Variants in ATP2B2 observed in about 807,000 individuals in gnomAD.
ATP2B2 encodes the protein plasma membrane calcium-transporting ATPase 2.
A neutral mutation model predicts 120.0 loss-of-function variants in ATP2B2; 15 were observed. The observed-to-expected ratio is 0.12, with a 90% confidence interval of 0.08 to 0.19. ATP2B2 has a LOEUF of 0.19. Ranked by LOEUF, ATP2B2 falls within the 10% of genes least tolerant of loss-of-function variation. The pLI is 1.00. For synonymous variants in ATP2B2, 694 were observed against 700.3 expected (o/e 0.99, Z 0.14); for missense variants, 1,045 against 1,719.8 (o/e 0.61, Z 6.94).
intron 1 of ATP2B2, among the ~76,000 whole-genome samples, chr3:10,470,249 C>T (rs1262462256): frequency 6.6e-6 from 1 of 152,202 alleles, no homozygotes; most frequent in African/African-American, 2.4e-5. Flanking sequence ...TATGCACCTT[C>T]TGCCACTGTT....
At chr3:10,348,275 C>A (rs1033570009) in intron 16 of ATP2B2, among the ~76,000 whole-genome samples, 5 of 152,228 alleles carry the variant, frequency 3.3e-5, no homozygotes, top group African/African-American at 1.2e-4. Flanking sequence ...CTCAGACCCG[C>A]ACCTGGCAGC....
chr3:10,360,380 T>C (rs2060863770), intron 12 of ATP2B2, among the ~76,000 whole-genome samples: 1 of 152,370 alleles, frequency 6.6e-6, no homozygotes, highest in Admixed American at 6.5e-5. Context: ...AAAAAGAGAA[T>C]GATGTAACAA....
chr3:10,389,073 G>C (rs914576561), intron 5 of ATP2B2, among the ~76,000 whole-genome samples: 5 of 152,304 alleles, frequency 3.3e-5, no homozygotes, highest in African/African-American at 1.2e-4. Flanking sequence ...GACTACTCCA[G>C]GGGTCTATGC....
At position 10,371,867 on chromosome 3, in the gene ATP2B2, G is replaced by A; in HGVS notation, c.1601C>T (p.Thr534Ile). 1 of 1,614,168 alleles carries A rather than the reference G, an allele frequency of 6.2e-7. No homozygotes were observed. Among genetic ancestry groups the A allele is most frequent in the Non-Finnish European group, 8.5e-7 (1 of 1,180,034 alleles). The change falls in exon 12 of 23, where the codon ACC (threonine) becomes ATC (isoleucine). Residue 534 changes from threonine (T) to isoleucine (I), a missense_variant. Coordinates refer to ENST00000360273, the MANE Select transcript of ATP2B2 (RefSeq NM_001001331.4). ...IPDPSSINTK[T>I]MELLINAIAI... is the part of the protein sequence containing the mutation. ...GATGGCATTGATCAGCAGCTCCATG[G>A]TCTTGGTGTTGATGGAGCTGGGGTC...
intron 1 of ATP2B2, among the ~76,000 whole-genome samples, chr3:10,461,506 TAA>T (rs2064488786): frequency 6.6e-6 from 1 of 152,198 alleles, no homozygotes; most frequent in South Asian, 2.1e-4. Flanking sequence ...CCTCTCCTGA[TAA>T]AGTCTTCTCT....
At chr3:10,510,401 G>A (rs1334490298), upstream of ATP2B2, among the ~76,000 whole-genome samples, 2 of 152,252 alleles carry the variant, frequency 1.3e-5, no homozygotes, top group Non-Finnish European at 2.9e-5. Context: ...GTGAGTAGGG[G>A]AATTGGAGCT....
At chr3:10,579,703 G>A (rs1385111657) in intron 2 of ATP2B2, among the ~76,000 whole-genome samples, 4 of 152,178 alleles carry the variant, frequency 2.6e-5, no homozygotes, top group Non-Finnish European at 5.9e-5. Context: ...CCAGTTACTT[G>A]GGAGGCTGAG....
At chr3:10,456,645 C>A (rs912473424) in intron 1 of ATP2B2, among the ~76,000 whole-genome samples, 4 of 152,242 alleles carry the variant, frequency 2.6e-5, no homozygotes, top group Non-Finnish European at 5.9e-5. Flanking sequence ...CCCATAGTGC[C>A]ATATTTCAAA....
At position 10,338,282 on chromosome 3, in the gene ATP2B2, G is replaced by A. The variant is rs778096122; in HGVS notation, c.3314C>T (p.Pro1105Leu). ...AGRLTQKEEI[P>L]EEELNEDVEE... Reference sequence around the variant, plus strand: ...CACGTCCTCGTTGAGCTCCTCCTCCGGGATCTCCTCCTTCTGTGTGAGCCT... The same window carrying A: ...CACGTCCTCGTTGAGCTCCTCCTCCAGGATCTCCTCCTTCTGTGTGAGCCT... Residue 1105 changes from proline to leucine, a missense_variant, in exon 22 of 23, where the codon CCG becomes CTG. This residue lies in a region of ATP2B2 where 211 missense variants were observed against 385.1 expected (regional missense o/e 0.55). Coordinates refer to ENST00000360273, the MANE Select transcript of ATP2B2 (RefSeq NM_001001331.4). 9 of 1,614,124 alleles carry A rather than the reference G, an allele frequency of 5.6e-6. No individual in the cohort carries two copies. The highest frequency in any genetic ancestry group is 4.5e-5 in the East Asian group (2 of 44,862).
At chr3:10,671,412 C>A (rs956287192) in intron 1 of ATP2B2, among the ~76,000 whole-genome samples, 1 of 152,128 alleles carries the variant, frequency 6.6e-6, no homozygotes, top group Non-Finnish European at 1.5e-5. Flanking sequence ...AGATCATGTG[C>A]GGCCCTTGTC....
chr3:10,576,385 T>C (rs927001147), intron 2 of ATP2B2, among the ~76,000 whole-genome samples: 1 of 152,116 alleles, frequency 6.6e-6, no homozygotes, highest in South Asian at 2.1e-4. Context: ...TTCTTATTAT[T>C]ATTGTTATTT....
chr3:10,691,126 CT>C (rs1221039120), intron 1 of ATP2B2, among the ~76,000 whole-genome samples: 5 of 152,226 alleles, frequency 3.3e-5, no homozygotes, highest in Non-Finnish European at 5.9e-5. Flanking sequence ...CAGCACAAGC[CT>C]TGCAGGGAAA....
intron 5 of ATP2B2, among the ~76,000 whole-genome samples, chr3:10,395,082 C>A (rs773134561): frequency 5.3e-5 from 8 of 152,160 alleles, no homozygotes; most frequent in Middle Eastern, 3.2e-3. Context: ...TGGGATAGGA[C>A]CAGGGTCCTC....
chr3:10,385,878 G>A (rs1575083607), intron 7 of ATP2B2, among the ~76,000 whole-genome samples: 1 of 152,196 alleles, frequency 6.6e-6, no homozygotes, highest in South Asian at 2.1e-4. Flanking sequence ...TCCTTAACTG[G>A]CATTCCAGAG....
intron 1 of ATP2B2, among the ~76,000 whole-genome samples, chr3:10,686,071 C>T (rs1292841577): frequency 1.9e-5 from 2 of 103,734 alleles, no homozygotes; most frequent in Non-Finnish European, 1.8e-5. Flanking sequence ...TTTTTTGAGA[C>T]GGTCCTCCTT....
chr3:10,409,234 T>C (rs1260787604), intron 3 of ATP2B2, among the ~76,000 whole-genome samples: 10 of 152,254 alleles, frequency 6.6e-5, no homozygotes, highest in African/African-American at 2.4e-4. Flanking sequence ...TGTGCATTTC[T>C]TATAATGTCC....
chr3:10,658,586 G>A (rs2070698310), intron 1 of ATP2B2, among the ~76,000 whole-genome samples: 3 of 152,116 alleles, frequency 2.0e-5, no homozygotes, highest in Admixed American at 1.3e-4. Flanking sequence ...AAGAAATATG[G>A]GACTATGTGA....
chr3:10,356,898 G>A (rs2060748575), intron 14 of ATP2B2, among the ~76,000 whole-genome samples: 1 of 151,990 alleles, frequency 6.6e-6, no homozygotes, highest in Non-Finnish European at 1.5e-5. Flanking sequence ...AATTGTCTTT[G>A]CTGTTTTAGG....
chr3:10,636,520 G>A (rs923524214), intron 1 of ATP2B2, among the ~76,000 whole-genome samples: 1 of 152,132 alleles, frequency 6.6e-6, no homozygotes, highest in Non-Finnish European at 1.5e-5. Context: ...AACTGCTTGG[G>A]AAACTTCTGT....
Sources: gnomAD v4.1 joint callset for allele counts (sites outside exome capture counted in the v4.1 genomes callset) on GRCh38, gnomAD v4.1.1 for gene constraint, gnomAD v4.1.1 regional missense constraint, MANE v1.5 for transcripts, NCBI Gene and HGNC (gene_info 2026-07-23, HGNC 2026-07-21) for gene names.